Variants in CELF5 observed in about 807,000 individuals in gnomAD.
The protein encoded by CELF5 is CUG-BP and ETR-3 like factor 5.
CELF5 carries 6 observed loss-of-function variants against 54.9 expected under a neutral mutation model. The ratio of observed to expected loss-of-function variants is 0.11; its 90% confidence interval spans 0.06 to 0.22. The LOEUF is 0.22. CELF5 is among the 10% of genes least tolerant of loss of function. The probability of loss-of-function intolerance (pLI) is 1.00; values close to 1 mark genes in which losing one functional copy is unlikely to be tolerated. For synonymous variants in CELF5, 271 were observed against 290.9 expected (o/e 0.93, Z 0.70); for missense variants, 401 against 678.6 (o/e 0.59, Z 4.54).
Position 3,279,741 on chromosome 19 carries a change from C to T in CELF5, c.604-1458C>T, listed in dbSNP as rs1362381116. ...TTTTTGAGACAGAGTCTCGCTCTGT[C>T]GCCCAGGTTGGAGTGCAATGGGGCA... On this transcript the variant is annotated intron_variant, in intron 5 of 12. Transcript: ENST00000292672. Among the ~76,000 whole-genome samples, 9 of 152,184 alleles carry T rather than the reference C, an allele frequency of 5.9e-5. No homozygotes were observed. In the East Asian group the frequency reaches 7.7e-4, roughly 13 times the overall value.
chr19:3,225,459 C>CCCGGG, intron 1 of CELF5: 1 of 386,038 alleles, frequency 2.6e-6, no homozygotes, highest in Non-Finnish European at 3.4e-6. Flanking sequence ...ACGCCGGCAC[C>CCCGGG]CCTCCCTGCC....
At chr19:3,234,423 A>G (rs1412934511) in intron 1 of CELF5, among the ~76,000 whole-genome samples, 1 of 152,130 alleles carries the variant, frequency 6.6e-6, no homozygotes, top group African/African-American at 2.4e-5. Context: ...AATGGGAGTT[A>G]TTCTAGGACA....
At chr19:3,261,475 T>A (rs537540487) in intron 2 of CELF5, among the ~76,000 whole-genome samples, 2 of 151,958 alleles carry the variant, frequency 1.3e-5, no homozygotes, top group South Asian at 4.2e-4. Flanking sequence ...TACACCAGAT[T>A]TTGAACATTT....
intron 1 of CELF5, among the ~76,000 whole-genome samples, chr19:3,247,554 G>T (rs923048901): frequency 1.3e-5 from 2 of 149,904 alleles, no homozygotes; most frequent in African/African-American, 4.9e-5. Context: ...GAGCCACTGC[G>T]CCCGGTCTCT....
intron 2 of CELF5, among the ~76,000 whole-genome samples, chr19:3,270,147 C>A (rs768900696): frequency 6.6e-6 from 1 of 152,214 alleles, no homozygotes; most frequent in Non-Finnish European, 1.5e-5. Flanking sequence ...CCAACCCTGA[C>A]CCCATGGGAG....
At chr19:3,234,810 C>T (rs1395687760) in intron 1 of CELF5, among the ~76,000 whole-genome samples, 1 of 152,162 alleles carries the variant, frequency 6.6e-6, no homozygotes, top group Non-Finnish European at 1.5e-5. Flanking sequence ...TCTCTCTCCT[C>T]TGCCTTCACC....
intron 2 of CELF5, among the ~76,000 whole-genome samples, chr19:3,260,920 C>T (rs2079800167): frequency 6.6e-6 from 1 of 151,530 alleles, no homozygotes; most frequent in Admixed American, 6.6e-5. Flanking sequence ...CTGCGCCTGG[C>T]CACCTGGCTA....
chr19:3,270,379 C>A, intron 2 of CELF5, among the ~76,000 whole-genome samples: 1 of 151,946 alleles, frequency 6.6e-6, no homozygotes, highest in East Asian at 1.9e-4. Flanking sequence ...CGGCAGAGAC[C>A]TCGGTGGGAC....
intron 4 of CELF5, among the ~76,000 whole-genome samples, chr19:3,276,634 C>T (rs2080058297): frequency 6.7e-6 from 1 of 149,918 alleles, no homozygotes. Flanking sequence ...ATCCTACCTG[C>T]ATGCTCTCTC....
chr19:3,240,488 C>T (rs2079476448), intron 1 of CELF5, among the ~76,000 whole-genome samples: 1 of 151,396 alleles, frequency 6.6e-6, no homozygotes, highest in South Asian at 2.1e-4. Context: ...CCACCACACC[C>T]AGCTAGTTTT....
At chr19:3,283,848 A>T (rs1436159773) in intron 8 of CELF5, among the ~76,000 whole-genome samples, 2 of 146,642 alleles carry the variant, frequency 1.4e-5, no homozygotes, top group African/African-American at 5.0e-5. Context: ...TTAGCGACAG[A>T]GTCTCACTCT....
intron 2 of CELF5, among the ~76,000 whole-genome samples, chr19:3,271,398 A>G (rs1441325815): frequency 2.0e-5 from 3 of 151,970 alleles, no homozygotes; most frequent in Admixed American, 6.6e-5. Context: ...GGGGTGGGAA[A>G]GGGGTCCAGC....
chr19:3,286,143 G>C, intron 10 of CELF5, 118 bp downstream of exon 10: 1 of 874,774 alleles, frequency 1.1e-6, no homozygotes, highest in Non-Finnish European at 1.6e-6. Flanking sequence ...GTGCGGCCTG[G>C]GGGCTGGACA....
chr19:3,290,725 A>T (rs1359699155), intron 11 of CELF5, among the ~76,000 whole-genome samples: 2 of 118,012 alleles, frequency 1.7e-5, no homozygotes, highest in Non-Finnish European at 3.9e-5. Context: ...CACCACACCC[A>T]GCTAATTTTT....
In CELF5 at chr19:3,275,571, G is replaced by A. The variant is rs2080034574; in HGVS notation, c.395-285G>A. ...ATCTCCGCCTGGAGGGGGAGCAGTG[G>A]AGCAGAGACCCCAAAAGACTGCAGG... On this transcript the variant is annotated intron_variant, in intron 3 of 12. Coordinates refer to ENST00000292672, the MANE Select transcript of CELF5 (RefSeq NM_021938.4). This position sits in a 1 kb window ranked among gnomAD's most constrained non-coding sequence, Gnocchi z 6.7. Among the ~76,000 whole-genome samples the A allele has an allele frequency of 6.6e-6, 1 of 152,228 alleles. No homozygotes were observed. The highest frequency in any genetic ancestry group is 6.5e-5 in the Admixed American group (1 of 15,290).
chr19:3,269,368 G>A (rs932195545), intron 2 of CELF5, among the ~76,000 whole-genome samples: 1 of 152,092 alleles, frequency 6.6e-6, no homozygotes, highest in African/African-American at 2.4e-5. Flanking sequence ...AGTAGAGTCA[G>A]GGTTTCACCA....
At chr19:3,272,818 T>C (rs2079988446) in intron 2 of CELF5, among the ~76,000 whole-genome samples, 1 of 152,020 alleles carries the variant, frequency 6.6e-6, no homozygotes, top group African/African-American at 2.4e-5. Context: ...GCCACAGACA[T>C]CAGGTTGGGA....
rs746151924 is a variant in CELF5, at chr19:3,278,255, C to T, written c.603+145C>T. The T allele has an allele frequency of 3.5e-5, 23 of 651,198 alleles. No homozygotes were observed. The highest frequency in any genetic ancestry group is 5.4e-5 in the Non-Finnish European group (20 of 370,938). 40.3% of individuals were successfully genotyped at this position (651,198 alleles called of 1,614,324 possible). On this transcript the variant is annotated intron_variant, in intron 5 of 12. Coordinates refer to ENST00000292672, the MANE Select transcript of CELF5 (RefSeq NM_021938.4). The surrounding 1 kb of genome is among the most constrained non-coding windows in gnomAD (Gnocchi z 4.5). Reference sequence around the variant, plus strand: ...GAGGGGGCACAGGTGGAGAAAGAGGCGCAGTCCCTGGCTGTGGTCCCTGGA... The same window carrying T: ...GAGGGGGCACAGGTGGAGAAAGAGGTGCAGTCCCTGGCTGTGGTCCCTGGA...
At chr19:3,293,295 G>A (rs750493967) in intron 11 of CELF5, 24 bp from the exon 12 acceptor site, 9 of 1,613,590 alleles carry the variant, frequency 5.6e-6, no homozygotes, top group South Asian at 2.2e-5. Flanking sequence ...CGCCAACCAC[G>A]GAGGTCCACC....
Sources: allele counts gnomAD v4.1 joint callset (sites outside exome capture counted in the v4.1 genomes callset), GRCh38; gene constraint gnomAD v4.1.1; non-coding constraint Gnocchi (gnomAD v3.1); transcripts MANE v1.5; gene names NCBI Gene and HGNC (gene_info 2026-07-23, HGNC 2026-07-21).